ADAMTS9: variants seen among roughly 807,000 people sequenced by gnomAD.
The protein encoded by ADAMTS9 is ADAM metallopeptidase with thrombospondin type 1 motif 9.
In ADAMTS9, 107 loss-of-function variants were observed where a neutral mutation model predicts 257.1. The observed-to-expected ratio is 0.42, with a 90% CI of 0.36 to 0.49. ADAMTS9 has a LOEUF of 0.49. ADAMTS9 is among the 20% of genes least tolerant of loss of function. ADAMTS9 has a pLI of 0.03. For synonymous variants in ADAMTS9, 982 were observed against 880.9 expected, an observed-to-expected ratio of 1.11 and a Z score of -2.03; for missense variants, 2,353 against 2,469.1, an observed-to-expected ratio of 0.95 and a Z score of 1.00.
Position 64,517,416 on chromosome 3 carries a change from G to GTTTTTTTT in ADAMTS9, c.*6-303_*6-296dup, listed in dbSNP as rs755480110. 6.3e-3 allele frequency among the ~76,000 whole-genome samples: 331 copies of GTTTTTTTT among 52,632 alleles called. 44 individuals carry two copies. The highest frequency in any genetic ancestry group is 0.016 in the East Asian group (23 of 1,444). The allele number at this position is 52,632 out of a possible 152,430, so 34.5% of individuals were successfully genotyped here. On this transcript the variant is annotated intron_variant, in intron 39 of 39. Coordinates refer to ENST00000498707, the MANE Select transcript of ADAMTS9 (RefSeq NM_182920.2). ...CATCAAGCCCAGCTAATTAAAAATG[G>GTTTTTTTT]TTTTTTTTTTTTTTTTTTTTTTTGC...
chr3:64,644,838 T>C (rs543385777), intron 11 of ADAMTS9, among the ~76,000 whole-genome samples: 5 of 152,290 alleles, frequency 3.3e-5, no homozygotes, highest in African/African-American at 9.6e-5. Context: ...ACTATAAACA[T>C]TGGAACAAAA....
chr3:64,556,992 A>G (rs1421180342), intron 30 of ADAMTS9, among the ~76,000 whole-genome samples: 1 of 152,202 alleles, frequency 6.6e-6, no homozygotes, highest in Non-Finnish European at 1.5e-5. Context: ...CATAGATGAG[A>G]AAAACAGGCA....
chr3:64,600,480 A>G (rs776095773), intron 26 of ADAMTS9, among the ~76,000 whole-genome samples: 7 of 152,250 alleles, frequency 4.6e-5, no homozygotes, highest in Non-Finnish European at 1.0e-4. Flanking sequence ...GAATCATTCA[A>G]TCTTAAAGGA....
intron 39 of ADAMTS9, 97 bp downstream of exon 39, chr3:64,522,069 A>T: frequency 2.0e-6 from 2 of 1,023,208 alleles, no homozygotes; most frequent in Non-Finnish European, 3.0e-6. Flanking sequence ...CAAGATGCTT[A>T]ACTGTAACCC....
At chr3:64,579,424 A>C (rs1271085059) in intron 28 of ADAMTS9, among the ~76,000 whole-genome samples, 1 of 152,154 alleles carries the variant, frequency 6.6e-6, no homozygotes, top group Non-Finnish European at 1.5e-5. Context: ...CTTCTACGCT[A>C]TCTCCTATCC....
chr3:64,541,602 C>A lies in ADAMTS9; in HGVS notation c.5216G>T (p.Cys1739Phe). Residue 1739 changes from cysteine to phenylalanine, a missense_variant, in exon 34 of 40, where the codon TGC becomes TTC. Transcript: ENST00000498707. Reference protein sequence around the residue: ...NVYNCELPQNCKEVKRLKGAS... With the variant: ...NVYNCELPQNFKEVKRLKGAS... ...ACCTTTAAGTCTTTTTACCTCCTTG[C>A]AATTCTGGGGTAACTCACCTAGAAA... 1 of 1,614,004 alleles carries A rather than the reference C, an allele frequency of 6.2e-7. No individual in the cohort carries two copies. Among genetic ancestry groups the A allele is most frequent in the Non-Finnish European group, 8.5e-7 (1 of 1,179,926 alleles).
At chr3:64,562,333 C>T (rs1264274247) in intron 29 of ADAMTS9, among the ~76,000 whole-genome samples, 1 of 152,142 alleles carries the variant, frequency 6.6e-6, no homozygotes, top group African/African-American at 2.4e-5. Context: ...CTATTTACAA[C>T]CTCAGATGAA....
chr3:64,626,651 T>C (rs1700228512), intron 16 of ADAMTS9, among the ~76,000 whole-genome samples: 1 of 152,200 alleles, frequency 6.6e-6, no homozygotes, highest in South Asian at 2.1e-4. Context: ...ACCCAATATA[T>C]GCACGTAAGA....
chr3:64,648,304 A>G (rs1207731208), intron 10 of ADAMTS9, among the ~76,000 whole-genome samples: 2 of 152,168 alleles, frequency 1.3e-5, no homozygotes, highest in Non-Finnish European at 2.9e-5. Flanking sequence ...GGCCCTATGT[A>G]CTCATCCTAG....
At chr3:64,650,752 T>C (rs1307387866) in intron 9 of ADAMTS9, 4 of 369,696 alleles carry the variant, frequency 1.1e-5, no homozygotes, top group Non-Finnish European at 1.9e-5. Context: ...CTCAAAACTT[T>C]ACCCAAAATG....
intron 3 of ADAMTS9, among the ~76,000 whole-genome samples, chr3:64,661,736 A>G (rs1701228433): frequency 6.6e-6 from 1 of 152,202 alleles, no homozygotes; most frequent in African/African-American, 2.4e-5. Context: ...CAACAGGTGT[A>G]TGGAAGCTAT....
At chr3:64,522,508 G>A in intron 38 of ADAMTS9, 1 of 330,928 alleles carries the variant, frequency 3.0e-6, no homozygotes, top group South Asian at 8.2e-5. Flanking sequence ...AAATAATTGA[G>A]AAAAAGTAAA....
chr3:64,528,769 C>A (rs570255319), intron 38 of ADAMTS9, among the ~76,000 whole-genome samples: 1 of 152,340 alleles, frequency 6.6e-6, no homozygotes, highest in East Asian at 1.9e-4. Flanking sequence ...AGGATACCAA[C>A]AGCTTTACAT....
At chr3:64,542,805 C>CA (rs1489613985) in intron 32 of ADAMTS9, among the ~76,000 whole-genome samples, 7 of 151,786 alleles carry the variant, frequency 4.6e-5, no homozygotes, top group South Asian at 4.2e-4. Flanking sequence ...AAAAGCCCTT[C>CA]AAAAAATCAA....
intron 39 of ADAMTS9, among the ~76,000 whole-genome samples, chr3:64,518,117 A>G (rs9311890): frequency 0.93 from 141,751 of 152,250 alleles, 66,882 homozygotes; most frequent in East Asian, 1. Flanking sequence ...ACCATGGTGT[A>G]GGGGGCAATG....
In ADAMTS9 at chr3:64,655,855, G is replaced by A. The variant is rs372317178; in HGVS notation, c.990C>T (p.Asp330=). The stretch of plus-strand genomic sequence containing the variant: ...TATTAATTAAATTTCCAATACTTGG[G>A]TCTTTATAGATAGAGGCTACCTGCA... The part of the protein sequence containing the change: ...LMSIVASIYK[D]PSIGNLINIV... Residue 330 remains aspartate (D), a synonymous_variant, in exon 5 of 40, where the codon GAC becomes GAT. Coordinates refer to ENST00000498707, the MANE Select transcript of ADAMTS9 (RefSeq NM_182920.2). The A allele has an allele frequency of 3.2e-6, 5 of 1,566,748 alleles. No individual in the cohort carries two copies. The highest frequency in any genetic ancestry group is 4.3e-6 in the Non-Finnish European group (5 of 1,162,572).
intron 39 of ADAMTS9, among the ~76,000 whole-genome samples, chr3:64,517,918 T>A (rs185363689): frequency 1.3e-5 from 2 of 152,274 alleles, no homozygotes; most frequent in Admixed American, 1.3e-4. Flanking sequence ...CTCTTCCAAC[T>A]GAAGCTGTCA....
chr3:64,554,472 T>C (rs2083306571), intron 30 of ADAMTS9, among the ~76,000 whole-genome samples: 1 of 152,138 alleles, frequency 6.6e-6, no homozygotes, highest in Non-Finnish European at 1.5e-5. Flanking sequence ...GTCCATGCTA[T>C]CAGGTTTCAT....
At position 64,645,521 on chromosome 3, in the gene ADAMTS9, C is replaced by T. The variant is rs370394679; in HGVS notation, c.1710+2419G>A. On this transcript the variant is annotated intron_variant, in intron 11 of 39. Transcript: ENST00000498707. ...AGCCAAGGGAGGCAGAATGTGCTAGCATATAGAGAAAAGGCACATACTGGC... is the reference window on the plus strand; with the variant it reads ...AGCCAAGGGAGGCAGAATGTGCTAGTATATAGAGAAAAGGCACATACTGGC... Among the ~76,000 whole-genome samples the T allele has an allele frequency of 1.6e-3, 245 of 152,188 alleles. 1 individual carries two copies. Among genetic ancestry groups the T allele is most frequent in the African/African-American group, 5.5e-3 (227 of 41,526 alleles).
Sources: allele counts gnomAD v4.1 joint callset (sites outside exome capture counted in the v4.1 genomes callset), GRCh38; gene constraint gnomAD v4.1.1; transcripts MANE v1.5; gene names NCBI Gene and HGNC (gene_info 2026-07-23, HGNC 2026-07-21).